The following CXADR variants were observed in gnomAD, a reference collection of about 807,000 sequenced individuals.
CXADR encodes coxsackievirus and adenovirus receptor.
Under a neutral mutation model 40.3 loss-of-function variants are expected in CXADR, and 20 were observed. That is an observed-to-expected ratio of 0.50 (90% confidence interval 0.35 to 0.72). The LOEUF (loss-of-function observed/expected upper bound fraction) is 0.72. Ranked by LOEUF, CXADR falls within the 30% of genes least tolerant of loss-of-function variation. The pLI is 0.01. For synonymous variants in CXADR, 150 were observed against 161.3 expected (o/e 0.93, Z 0.53); for missense variants, 332 against 449.1 (o/e 0.74, Z 2.36).
the CXADR span, among the ~76,000 whole-genome samples, chr21:17,601,020 G>A: frequency 3.4e-4 from 44 of 130,358 alleles, 1 homozygote; most frequent in South Asian, 9.9e-4. Context: ...AAAATTAGCC[G>A]GGCATGGTGG....
At chr21:17,593,496 T>C (rs1478287393) in exon 8 of CXADR, 4 of 207,618 alleles carry the variant, frequency 1.9e-5, no homozygotes, top group Non-Finnish European at 3.8e-5. Flanking sequence ...TATTCTGATA[T>C]GTGGTCTTTT....
chr21:17,569,107 C>G lies in CXADR; in HGVS notation c.*3415C>G. On this transcript the variant is annotated 3_prime_UTR_variant, in exon 7 of 7. Coordinates refer to ENST00000284878, the MANE Select transcript of CXADR (RefSeq NM_001338.5). Reference sequence around the variant, plus strand: ...ATTGCATGAAGTTGACTATCAAATTCTGTGATGTGTGGCTTCTTAAAAATA... The same window carrying G: ...ATTGCATGAAGTTGACTATCAAATTGTGTGATGTGTGGCTTCTTAAAAATA... 1 of 985,332 alleles carries G rather than the reference C, an allele frequency of 1.0e-6. No individual in the cohort carries two copies. The highest frequency in any genetic ancestry group is 1.2e-6 in the Non-Finnish European group (1 of 829,918). The allele number at this position is 985,332 out of a possible 1,614,324, so 61.0% of individuals were successfully genotyped here. A position where few individuals can be genotyped will look rare whatever the true frequency, so the allele number is the denominator to read the frequency against.
chr21:17,544,382 G>A (rs1047312452), intron 1 of CXADR, among the ~76,000 whole-genome samples: 73 of 152,162 alleles, frequency 4.8e-4, no homozygotes, highest in African/African-American at 1.8e-3. Context: ...CAGTGGGTTT[G>A]GATGATGTCT....
At chr21:17,623,206 A>C in the CXADR span, among the ~76,000 whole-genome samples, 9 of 152,270 alleles carry the variant, frequency 5.9e-5, no homozygotes, top group Non-Finnish European at 1.3e-4. Flanking sequence ...CTCTCAAAGT[A>C]CTGAGATTTA....
In CXADR at chr21:17,567,392, GTTAACATT is replaced by G; in HGVS notation, c.*1703_*1710del. On this transcript the variant is annotated 3_prime_UTR_variant, in exon 7 of 7. Coordinates refer to ENST00000284878, the MANE Select transcript of CXADR (RefSeq NM_001338.5). ...TATGTAAAATTACTTTTATACTCGT[GTTAACATT>G]TTCATCTGTGCCTTTTGGTAATTTA... is the stretch of plus-strand genomic sequence containing the variant. The G allele has an allele frequency of 2.0e-6, 2 of 984,976 alleles. No individual in the cohort carries two copies. Among genetic ancestry groups the G allele is most frequent in the Non-Finnish European group, 2.4e-6 (2 of 829,520 alleles). 61.0% of individuals were successfully genotyped at this position (984,976 alleles called of 1,614,324 possible).
chr21:17,601,264 C>G, the CXADR span, among the ~76,000 whole-genome samples: 1 of 152,170 alleles, frequency 6.6e-6, no homozygotes, highest in Non-Finnish European at 1.5e-5. Flanking sequence ...AGGCAAGTCA[C>G]TTAATTTCCC....
the CXADR span, among the ~76,000 whole-genome samples, chr21:17,628,423 C>T: frequency 9.2e-5 from 14 of 152,258 alleles, no homozygotes; most frequent in African/African-American, 3.4e-4. Context: ...TAGTTCCAGT[C>T]CCATTGCCGG....
intron 1 of CXADR, among the ~76,000 whole-genome samples, chr21:17,540,764 G>C (rs73308223): frequency 0.025 from 3,819 of 152,270 alleles, 169 homozygotes; most frequent in African/African-American, 0.088. Flanking sequence ...CATTTCACAC[G>C]TCTTCTACTG....
the CXADR span, among the ~76,000 whole-genome samples, chr21:17,623,450 C>T: frequency 3.1e-4 from 47 of 152,130 alleles, no homozygotes; most frequent in Middle Eastern, 3.4e-3. Context: ...GAGAGACTTT[C>T]GAAAACAATT....
the CXADR span, among the ~76,000 whole-genome samples, chr21:17,636,163 C>A: frequency 6.6e-6 from 1 of 152,182 alleles, no homozygotes; most frequent in African/African-American, 2.4e-5. Flanking sequence ...ACTAAACTCA[C>A]TTTCAGTTTT....
the CXADR span, among the ~76,000 whole-genome samples, chr21:17,632,758 A>G: frequency 6.6e-6 from 1 of 151,976 alleles, no homozygotes; most frequent in South Asian, 2.1e-4. Context: ...AGTCCCAGCT[A>G]CTCAGGAGGC....
At chr21:17,515,864 A>G (rs2060455660) in intron 1 of CXADR, among the ~76,000 whole-genome samples, 1 of 152,230 alleles carries the variant, frequency 6.6e-6, no homozygotes, top group Non-Finnish European at 1.5e-5. Context: ...TGTTAACATG[A>G]TTGACTCCTA....
At chr21:17,558,674 G>C (rs528235185) in intron 3 of CXADR, among the ~76,000 whole-genome samples, 2 of 151,938 alleles carry the variant, frequency 1.3e-5, no homozygotes, top group African/African-American at 4.8e-5. Context: ...GCTGAAAAAA[G>C]CAAGTGCATC....
Position 17,565,633 on chromosome 21 carries a change from C to T in CXADR, c.1039C>T (p.Arg347Ter). 3 of 1,612,146 alleles carry T rather than the reference C, an allele frequency of 1.9e-6. No homozygotes were observed. The highest frequency in any genetic ancestry group is 1.3e-5 in the African/African-American group (1 of 74,964). The change falls in exon 7 of 7, where the codon CGA (arginine) becomes TGA (stop). Residue 347 changes from arginine to a stop codon, truncating the protein, a stop_gained. Coordinates refer to ENST00000284878, the MANE Select transcript of CXADR (RefSeq NM_001338.5). LOFTEE classifies it high-confidence loss of function. ...PAKVAAPNLS[R>*]MGAIPVMIPA... ...TAAGGTAGCTGCCCCTAATCTAAGTCGAATGGGTGCGATTCCTGTGATGAT... is the reference window on the plus strand; with the variant it reads ...TAAGGTAGCTGCCCCTAATCTAAGTTGAATGGGTGCGATTCCTGTGATGAT...
At chr21:17,580,802 G>A (rs28624541) in intron 7 of CXADR, among the ~76,000 whole-genome samples, 2,809 of 152,188 alleles carry the variant, frequency 0.018, 75 homozygotes, top group African/African-American at 0.064. Context: ...CCAGGCTGGA[G>A]TGCAGAGGGG....
intron 1 of CXADR, among the ~76,000 whole-genome samples, chr21:17,528,563 G>C (rs750161879): frequency 6.6e-6 from 1 of 151,320 alleles, no homozygotes; most frequent in African/African-American, 2.4e-5. Context: ...GCGCCACCAC[G>C]CCCAGCTAAT....
chr21:17,588,363 T>A (rs1350936430), intron 7 of CXADR, among the ~76,000 whole-genome samples: 1 of 152,244 alleles, frequency 6.6e-6, no homozygotes, highest in Non-Finnish European at 1.5e-5. Flanking sequence ...TTCCTACCCA[T>A]GAGCATGGAA....
At chr21:17,627,129 G>T in the CXADR span, 36 of 152,336 alleles carry the variant, frequency 2.4e-4, no homozygotes, top group African/African-American at 8.2e-4. Context: ...GGCCAAGGCG[G>T]GCAGATCACC....
chr21:17,540,282 T>TG (rs922969854), intron 1 of CXADR, among the ~76,000 whole-genome samples: 3 of 152,128 alleles, frequency 2.0e-5, no homozygotes, highest in Non-Finnish European at 4.4e-5. Flanking sequence ...ATATGAATTT[T>TG]GGGGGGGACA....
Sources: allele counts gnomAD v4.1 joint callset (sites outside exome capture counted in the v4.1 genomes callset), GRCh38; gene constraint gnomAD v4.1.1; transcripts MANE v1.5; gene names NCBI Gene and HGNC (gene_info 2026-07-23, HGNC 2026-07-21).